The following SUGP2 variants were observed in gnomAD, a reference collection of about 807,000 sequenced individuals.
SUGP2 encodes SURP and G-patch domain-containing protein 2.
SUGP2 carries 24 observed loss-of-function variants against 90.5 expected under a neutral mutation model. The ratio of observed to expected loss-of-function variants is 0.27; its 90% CI spans 0.19 to 0.37. The LOEUF (loss-of-function observed/expected upper bound fraction) is 0.37. Among genes scored for constraint, SUGP2 ranks in the 10% least tolerant of loss-of-function variants. The pLI, the probability that SUGP2 is intolerant of heterozygous loss-of-function variation, is 1.00. For synonymous variants in SUGP2, 473 were observed against 513.4 expected, an observed-to-expected ratio of 0.92 and a Z score of 1.06; for missense variants, 1,233 against 1,363.3, an observed-to-expected ratio of 0.90 and a Z score of 1.51.
At chr19:18,994,855 GACGGAA>G in intron 9 of SUGP2, 1 of 556,182 alleles carries the variant, frequency 1.8e-6, no homozygotes, top group Non-Finnish European at 3.2e-6. Flanking sequence ...AGCAGTTCCA[GACGGAA>G]ACTACACAGA....
Position 19,010,241 on chromosome 19 carries a change from G to A in SUGP2, c.1952C>T (p.Pro651Leu), listed in dbSNP as rs150465844. ...SENLRGADQK[P>L]TSADCAVRAM... ...CCTCACTGCACAGTCTGCTGAGGTC[G>A]GCTTCTGGTCGGCTCCTCGCAAGTT... is the stretch of plus-strand genomic sequence containing the variant. Residue 651 changes from proline (P) to leucine (L), a missense_variant, in exon 5 of 11, where the codon CCG becomes CTG. Physicochemically the swap from Pro to Leu is moderately conservative, Grantham distance 98. Coordinates refer to ENST00000452918, the MANE Select transcript of SUGP2 (RefSeq NM_001017392.5). The A allele has an allele frequency of 2.5e-6, 4 of 1,614,116 alleles. No individual in the cohort carries two copies. The highest frequency in any genetic ancestry group is 2.2e-5 in the South Asian group (2 of 91,080).
chr19:18,994,047 A>G, intron 10 of SUGP2: 1 of 205,426 alleles, frequency 4.9e-6, no homozygotes, highest in Non-Finnish European at 9.9e-6. Flanking sequence ...GAGAAGAGAC[A>G]GGCGTGGCCT....
rs754427707 is a variant in SUGP2 at position 19,001,606 on chromosome 19, C to T, written c.2991+7G>A. ...TTTGAGTGAGGACTACCAATGATTA[C>T]GCTCACCTTCTTTTTGGACATGGGA... On this transcript the variant is annotated splice_region_variant and intron_variant, in intron 8 of 10. Transcript: ENST00000452918. The T allele has an allele frequency of 3.6e-5, 58 of 1,613,894 alleles. No individual in the cohort carries two copies. The highest frequency in any genetic ancestry group is 4.5e-5 in the East Asian group (2 of 44,898).
At chr19:19,007,039 C>T (rs2058102113) in intron 6 of SUGP2, among the ~76,000 whole-genome samples, 1 of 152,208 alleles carries the variant, frequency 6.6e-6, no homozygotes, top group African/African-American at 2.4e-5. Context: ...TTGAGAGCCC[C>T]CTCAGTAGGG....
Position 19,024,650 on chromosome 19 carries a change from A to T in SUGP2, c.1698T>A (p.Ile566=), listed in dbSNP as rs1257337998. 6.2e-7 allele frequency: 1 copy of T among 1,614,110 alleles called. No individual in the cohort carries two copies. The highest frequency in any genetic ancestry group is 1.7e-5 in the Admixed American group (1 of 60,000). ...EKMIPPTKPE[I]QAKAPSSLSD... ...TCAGACTACTTGGAGCCTTGGCCTG[A>T]ATTTCAGGTTTCGTAGGAGGAATCA... is the stretch of plus-strand genomic sequence containing the variant. The change falls in exon 3 of 11, where the codon ATT becomes ATA. Residue 566 remains isoleucine, a synonymous_variant. Coordinates refer to ENST00000452918, the MANE Select transcript of SUGP2 (RefSeq NM_001017392.5).
At chr19:19,032,563 C>T (rs78983452) in intron 1 of SUGP2, among the ~76,000 whole-genome samples, 1 of 152,098 alleles carries the variant, frequency 6.6e-6, no homozygotes, top group African/African-American at 2.4e-5. Context: ...GCGGGACCCC[C>T]AACCAATGAC....
chr19:19,019,602 C>T lies in SUGP2; in HGVS notation c.1730-373G>A, dbSNP rs368271282. On this transcript the variant is annotated intron_variant, in intron 3 of 10. Coordinates refer to ENST00000452918, the MANE Select transcript of SUGP2 (RefSeq NM_001017392.5). ...ATATAAATATCTAGTATAAAATATA[C>T]AAAAATGTATCTAGGTTATGGTTCT... Among the ~76,000 whole-genome samples the T allele has an allele frequency of 1.4e-4, 21 of 149,166 alleles. No homozygotes were observed. The East Asian group carries it at 3.9e-3, about 28-fold the overall frequency.
intron 7 of SUGP2, among the ~76,000 whole-genome samples, chr19:19,002,445 A>G (rs1448280451): frequency 4.6e-5 from 7 of 150,876 alleles, no homozygotes; most frequent in Non-Finnish European, 8.9e-5. Flanking sequence ...TGCTTCTCAT[A>G]TAGAGAACCA....
At chr19:19,007,210 T>C (rs73006925) in intron 6 of SUGP2, 6,562 of 152,280 alleles carry the variant, frequency 0.043, 184 homozygotes, top group Middle Eastern at 0.1. Flanking sequence ...GCTCCACCTA[T>C]CCAAGGAATG....
chr19:19,026,424 A>G (rs1334756534), intron 2 of SUGP2, among the ~76,000 whole-genome samples, 198 bp from the exon 3 acceptor site: 1 of 152,176 alleles, frequency 6.6e-6, no homozygotes, highest in African/African-American at 2.4e-5. Flanking sequence ...TGGATCGACT[A>G]CTTACTAAAA....
chr19:19,003,731 G>A (rs1338076743), intron 7 of SUGP2: 1 of 154,844 alleles, frequency 6.5e-6, no homozygotes, highest in Non-Finnish European at 1.4e-5. Context: ...TCATGGCCGA[G>A]GCAGGTCCCA....
chr19:18,997,514 G>A (rs1039590255), intron 8 of SUGP2, among the ~76,000 whole-genome samples: 2 of 152,198 alleles, frequency 1.3e-5, no homozygotes, highest in Non-Finnish European at 2.9e-5. Flanking sequence ...GCTGGGCGCG[G>A]TGGCTCACGC....
At chr19:19,016,161 T>C (rs10406341) in intron 4 of SUGP2, among the ~76,000 whole-genome samples, 3,508 of 152,288 alleles carry the variant, frequency 0.023, 131 homozygotes, top group African/African-American at 0.08. Context: ...TGCTTATTTC[T>C]GGGACTACAG....
chr19:19,028,515 G>C (rs551472597), intron 2 of SUGP2, among the ~76,000 whole-genome samples: 1 of 152,356 alleles, frequency 6.6e-6, no homozygotes, highest in Admixed American at 6.5e-5. Context: ...ATTAGTGACA[G>C]AGAGTGATGG....
At chr19:18,993,801 T>G in intron 10 of SUGP2, 61 bp from the exon 11 acceptor site, 1 of 138,496 alleles carries the variant, frequency 7.2e-6, no homozygotes, top group East Asian at 2.1e-4. Context: ...AGGGGGCAAC[T>G]AAAAAAAAAA....
At chr19:19,008,809 C>G (rs8101685) in intron 5 of SUGP2, among the ~76,000 whole-genome samples, 1 of 152,238 alleles carries the variant, frequency 6.6e-6, no homozygotes, top group Non-Finnish European at 1.5e-5. Context: ...ATCATCTCAG[C>G]TGACAGCCTG....
chr19:19,021,524 A>C (rs539851008), intron 3 of SUGP2, among the ~76,000 whole-genome samples: 1 of 152,328 alleles, frequency 6.6e-6, no homozygotes, highest in South Asian at 2.1e-4. Context: ...ATCTTTAGCT[A>C]GGATGACCAC....
At position 19,024,896 on chromosome 19, in the gene SUGP2, T is replaced by C. The variant is rs746236336; in HGVS notation, c.1452A>G (p.Gly484=). 5.0e-6 allele frequency: 8 copies of C among 1,614,058 alleles called. No individual in the cohort carries two copies. The African/African-American group carries it at 8.0e-5, about 16-fold the overall frequency. The part of the protein sequence containing the change: ...SLCRKSLALL[G]QTFSLASSFR... The stretch of plus-strand genomic sequence containing the variant: ...AAGAAGAGGCCAAGGAAAATGTCTG[T>C]CCCAAAAGGGCCAAAGACTTCCGGC... Residue 484 remains glycine (G), a synonymous_variant, in exon 3 of 11, where the codon GGA becomes GGG. Transcript: ENST00000452918.
At position 19,024,881 on chromosome 19, in the gene SUGP2, C is replaced by T. The variant is rs746526863; in HGVS notation, c.1467G>A (p.Leu489=). The T allele has an allele frequency of 5.0e-6, 8 of 1,613,990 alleles. No individual in the cohort carries two copies. The highest frequency in any genetic ancestry group is 3.3e-4 in the Middle Eastern group (2 of 6,084). The change falls in exon 3 of 11, where the codon TTG becomes TTA. Residue 489 remains leucine (L), a synonymous_variant. Transcript: ENST00000452918. ...SLALLGQTFS[L]ASSFRQEKIL... The stretch of plus-strand genomic sequence containing the variant: ...TTTTCTCCTGCCGGAAAGAAGAGGC[C>T]AAGGAAAATGTCTGTCCCAAAAGGG...
Sources: allele counts gnomAD v4.1 joint callset (sites outside exome capture counted in the v4.1 genomes callset), GRCh38; gene constraint gnomAD v4.1.1; transcripts MANE v1.5; gene names NCBI Gene and HGNC (gene_info 2026-07-23, HGNC 2026-07-21).